The following WDR70 variants were observed in gnomAD, a reference collection of about 807,000 sequenced individuals.
The protein encoded by WDR70 is WD repeat-containing protein 70.
Under a neutral mutation model 88.6 loss-of-function variants are expected in WDR70, and 53 were observed. The ratio of observed to expected loss-of-function variants is 0.60; its 90% CI spans 0.48 to 0.75. WDR70 has a LOEUF of 0.75. WDR70 is among the 30% of genes least tolerant of loss of function. WDR70 has a pLI of 0.00. For missense variants in WDR70, 610 were observed against 823.2 expected (o/e 0.74, Z 3.17); for synonymous variants, 280 against 270.0 (o/e 1.04, Z -0.36).
At chr5:37,529,546 A>G (rs1176764019) in intron 9 of WDR70, among the ~76,000 whole-genome samples, 1 of 152,070 alleles carries the variant, frequency 6.6e-6, no homozygotes, top group Admixed American at 6.6e-5. Context: ...GTCCTTGGTT[A>G]GGTAAATTCC....
intron 7 of WDR70, among the ~76,000 whole-genome samples, chr5:37,451,908 C>T (rs1233572766): frequency 6.6e-6 from 1 of 152,064 alleles, no homozygotes; most frequent in African/African-American, 2.4e-5. Flanking sequence ...GGAGGAGAAT[C>T]GCTTGAACCT....
chr5:37,483,101 GTTTTT>G (rs35122146), intron 8 of WDR70, among the ~76,000 whole-genome samples: 5 of 129,886 alleles, frequency 3.8e-5, no homozygotes, highest in Non-Finnish European at 6.4e-5. Flanking sequence ...AGTGGTCTCA[GTTTTT>G]TTTTTTTTTT....
Position 37,437,908 on chromosome 5 carries a change from T to C in WDR70, c.493-14T>C. 2 of 1,598,766 alleles carry C rather than the reference T, an allele frequency of 1.3e-6. No homozygotes were observed. The highest frequency in any genetic ancestry group is 4.5e-5 in the East Asian group (2 of 44,088). ...TTATTTTACCATTAATGTCATGGGG[T>C]TTTCTTGTTTCAGAATCCTGTTCAC... On this transcript the variant is annotated splice_polypyrimidine_tract_variant and intron_variant, in intron 5 of 17. Transcript: ENST00000265107.
rs1740896513 is a variant in WDR70, at chr5:37,516,711, A to G, written c.917+121A>G. The G allele has an allele frequency of 2.2e-5, 3 of 134,012 alleles. No homozygotes were observed. The South Asian group carries it at 7.8e-4, about 35-fold the overall frequency. The allele number at this position is 134,012 out of a possible 1,614,324, so 8.3% of individuals were successfully genotyped here. A position where few individuals can be genotyped will look rare whatever the true frequency, so the allele number is the denominator to read the frequency against. ...GGAATATTAGGAATTCTTATTATAT[A>G]CATATATATATATATTTTTTTTTTT... On this transcript the variant is annotated intron_variant, in intron 9 of 17. Coordinates refer to ENST00000265107, the MANE Select transcript of WDR70 (RefSeq NM_018034.4).
intron 5 of WDR70, among the ~76,000 whole-genome samples, chr5:37,421,373 C>G (rs886563183): frequency 6.6e-6 from 1 of 152,192 alleles, no homozygotes; most frequent in Non-Finnish European, 1.5e-5. Context: ...GGATGCTGAT[C>G]AATACTTAGT....
At chr5:37,428,165 A>G (rs1750193141) in intron 5 of WDR70, among the ~76,000 whole-genome samples, 1 of 152,148 alleles carries the variant, frequency 6.6e-6, no homozygotes, top group Admixed American at 6.6e-5. Flanking sequence ...GCCAAAACTA[A>G]TTCTATCAGG....
At chr5:37,478,346 G>C (rs1739549895) in intron 7 of WDR70, among the ~76,000 whole-genome samples, 1 of 152,216 alleles carries the variant, frequency 6.6e-6, no homozygotes, top group Admixed American at 6.5e-5. Context: ...TGGCATGTTA[G>C]GGACTGTGTG....
At chr5:37,536,874 C>A (rs1273707811) in intron 9 of WDR70, among the ~76,000 whole-genome samples, 1 of 151,524 alleles carries the variant, frequency 6.6e-6, no homozygotes, top group Non-Finnish European at 1.5e-5. Flanking sequence ...CTTTTAAATT[C>A]TTTTTGTAAT....
chr5:37,666,510 G>A (rs1745848219), intron 10 of WDR70, among the ~76,000 whole-genome samples: 1 of 152,176 alleles, frequency 6.6e-6, no homozygotes, highest in East Asian at 1.9e-4. Flanking sequence ...AGCAACGGAT[G>A]ATAATTTTAT....
intron 10 of WDR70, among the ~76,000 whole-genome samples, chr5:37,677,693 G>GA (rs146117935): frequency 6.6e-6 from 1 of 151,912 alleles, no homozygotes; most frequent in East Asian, 1.9e-4. Context: ...GGGTGGTGCT[G>GA]AAAAAAAATG....
At chr5:37,487,943 C>T (rs1739941464) in intron 8 of WDR70, among the ~76,000 whole-genome samples, 1 of 152,018 alleles carries the variant, frequency 6.6e-6, no homozygotes, top group Non-Finnish European at 1.5e-5. Flanking sequence ...TACTCTTTTG[C>T]CTCCAGGTAT....
rs555345203 is a variant in WDR70 at position 37,468,538 on chromosome 5, C to T, written c.687-11296C>T. On this transcript the variant is annotated intron_variant, in intron 7 of 17. Transcript: ENST00000265107. Reference sequence around the variant, plus strand: ...TGGGGTACAATGTGATGTTTTAATACATGTACTCAATGTGTAATGATCAAA... The same window carrying T: ...TGGGGTACAATGTGATGTTTTAATATATGTACTCAATGTGTAATGATCAAA... Among the ~76,000 whole-genome samples, 17 of 152,118 alleles carry T rather than the reference C, an allele frequency of 1.1e-4. 1 individual carries two copies. In the South Asian group the frequency reaches 3.5e-3, roughly 32 times the overall value.
chr5:37,485,470 G>A (rs1381833697), intron 8 of WDR70, among the ~76,000 whole-genome samples: 1 of 151,928 alleles, frequency 6.6e-6, no homozygotes, highest in Non-Finnish European at 1.5e-5. Context: ...TCCTATTTTT[G>A]TACTGTTTGT....
chr5:37,675,606 T>C (rs1746179498), intron 10 of WDR70, among the ~76,000 whole-genome samples: 1 of 152,156 alleles, frequency 6.6e-6, no homozygotes, highest in South Asian at 2.1e-4. Context: ...TCTGTTTTGG[T>C]ACCAGTACCA....
intron 13 of WDR70, among the ~76,000 whole-genome samples, chr5:37,710,686 A>G (rs1015890292): frequency 2.0e-5 from 3 of 152,264 alleles, no homozygotes; most frequent in Non-Finnish European, 2.9e-5. Flanking sequence ...AAATGGGATC[A>G]GTAACAGTGC....
intron 9 of WDR70, among the ~76,000 whole-genome samples, chr5:37,575,664 T>C (rs1030001141): frequency 1.6e-4 from 24 of 152,156 alleles, no homozygotes; most frequent in Non-Finnish European, 3.4e-4. Flanking sequence ...TTCCAGACCT[T>C]ACCCTATATA....
At chr5:37,462,175 AT>A (rs1204462674) in intron 7 of WDR70, among the ~76,000 whole-genome samples, 1 of 151,924 alleles carries the variant, frequency 6.6e-6, no homozygotes, top group African/African-American at 2.4e-5. Context: ...AGTCTTATAT[AT>A]TTCCTATTTC....
chr5:37,728,524 A>G (rs1029920787), intron 17 of WDR70, among the ~76,000 whole-genome samples: 1 of 151,922 alleles, frequency 6.6e-6, no homozygotes, highest in Non-Finnish European at 1.5e-5. Flanking sequence ...TTTAATGAAT[A>G]CTGGTCAGTT....
chr5:37,546,440 TAGTC>T (rs1018806071), intron 9 of WDR70, among the ~76,000 whole-genome samples: 2 of 152,228 alleles, frequency 1.3e-5, no homozygotes, highest in African/African-American at 4.8e-5. Flanking sequence ...TCACCACTTT[TAGTC>T]AGTAATTTAT....
Sources: gnomAD v4.1 joint callset for allele counts (sites outside exome capture counted in the v4.1 genomes callset) on GRCh38, gnomAD v4.1.1 for gene constraint, MANE v1.5 for transcripts, NCBI Gene and HGNC (gene_info 2026-07-23, HGNC 2026-07-21) for gene names.